TLK1: variants seen among roughly 807,000 people sequenced by gnomAD.
TLK1 encodes the protein serine/threonine-protein kinase tousled-like 1.
TLK1 carries 24 observed loss-of-function variants against 105.3 expected under a neutral mutation model. The ratio of observed to expected loss-of-function variants is 0.23; its 90% CI spans 0.17 to 0.32. The LOEUF is 0.32. Ranked by LOEUF, TLK1 falls within the 10% of genes least tolerant of loss-of-function variation. The probability of loss-of-function intolerance (pLI) is 1.00; values close to 1 mark genes in which losing one functional copy is unlikely to be tolerated. For missense variants in TLK1, 558 were observed against 910.5 expected (o/e 0.61, Z 4.98); for synonymous variants, 321 against 310.4 (o/e 1.03, Z -0.36).
intron 3 of TLK1, among the ~76,000 whole-genome samples, chr2:171,072,558 G>C (rs770947882): frequency 6.6e-6 from 1 of 152,124 alleles, no homozygotes; most frequent in East Asian, 1.9e-4. Context: ...AAGAGTTTGA[G>C]GCCAGCCTGG....
chr2:171,007,084 CA>C (rs755375296), intron 14 of TLK1, 21 bp from the exon 15 acceptor site: 6 of 1,571,518 alleles, frequency 3.8e-6, no homozygotes, highest in Middle Eastern at 2.3e-4. Flanking sequence ...AAGTCAAAAA[CA>C]ATTAAGATGA....
chr2:171,167,698 A>G (rs939578760), intron 1 of TLK1, among the ~76,000 whole-genome samples: 1 of 152,212 alleles, frequency 6.6e-6, no homozygotes, highest in Admixed American at 6.5e-5. Flanking sequence ...CATACACAAC[A>G]AAAACTGGAA....
chr2:171,037,917 G>C (rs954313537), intron 11 of TLK1, among the ~76,000 whole-genome samples: 7 of 152,132 alleles, frequency 4.6e-5, no homozygotes, highest in African/African-American at 1.7e-4. Context: ...AAAAAAGTTT[G>C]TAAAAGACTG....
chr2:171,156,595 C>T (rs928413081), intron 1 of TLK1, among the ~76,000 whole-genome samples: 5 of 152,178 alleles, frequency 3.3e-5, no homozygotes, highest in African/African-American at 1.2e-4. Flanking sequence ...TGTAAATGTG[C>T]CATTGTAAAG....
intron 3 of TLK1, among the ~76,000 whole-genome samples, chr2:171,062,605 T>C (rs997559100): frequency 6.6e-6 from 1 of 152,170 alleles, no homozygotes; most frequent in Non-Finnish European, 1.5e-5. Flanking sequence ...CATACAGTTA[T>C]TACTTGATAA....
chr2:171,145,523 G>T (rs1431618879), intron 1 of TLK1, among the ~76,000 whole-genome samples: 1 of 151,706 alleles, frequency 6.6e-6, no homozygotes, highest in East Asian at 1.9e-4. Context: ...CCGGGAAGCG[G>T]AGGCTGCAGT....
chr2:171,093,007 A>T (rs1181101180), intron 2 of TLK1, among the ~76,000 whole-genome samples: 1 of 152,174 alleles, frequency 6.6e-6, no homozygotes, highest in Non-Finnish European at 1.5e-5. Context: ...ACTCCATGTA[A>T]ACTCTAAATG....
chr2:171,006,409 C>T (rs1167306484), intron 17 of TLK1, 65 bp downstream of exon 17: 3 of 1,499,206 alleles, frequency 2.0e-6, no homozygotes, highest in Non-Finnish European at 1.8e-6. Context: ...TTTCAGATAA[C>T]TTAATGAATG....
At chr2:171,015,200 A>G (rs1685114897) in intron 12 of TLK1, among the ~76,000 whole-genome samples, 1 of 152,176 alleles carries the variant, frequency 6.6e-6, no homozygotes, top group African/African-American at 2.4e-5. Context: ...ATTCTGTACT[A>G]CAAGAAATCT....
chr2:171,093,143 T>C (rs549798882), intron 2 of TLK1, among the ~76,000 whole-genome samples: 1 of 152,332 alleles, frequency 6.6e-6, no homozygotes, highest in South Asian at 2.1e-4. Flanking sequence ...AATAAAAGGA[T>C]TTCATTCCCC....
chr2:171,068,811 CAT>C (rs1389917735), intron 3 of TLK1, among the ~76,000 whole-genome samples: 1 of 152,096 alleles, frequency 6.6e-6, no homozygotes, highest in African/African-American at 2.4e-5. Context: ...AAAATTATTA[CAT>C]ATAGCAGAAA....
chr2:171,079,014 T>C (rs1485887890), intron 3 of TLK1, among the ~76,000 whole-genome samples: 46 of 152,200 alleles, frequency 3.0e-4, no homozygotes, highest in Non-Finnish European at 2.9e-5. Context: ...CCTTTCACCA[T>C]TCCTGCATAT....
Position 170,993,266 on chromosome 2 carries a change from C to A in TLK1, c.*514G>T, listed in dbSNP as rs1294634101. On this transcript the variant is annotated 3_prime_UTR_variant, in exon 21 of 21. Coordinates refer to ENST00000431350, the MANE Select transcript of TLK1 (RefSeq NM_012290.5). ...CACATTCTATTACTATAAAACACAA[C>A]TGTCACTGTCATTCAGTTCTTACTT... 6.6e-6 allele frequency: 1 copy of A among 152,640 alleles called. No homozygotes were observed. Among genetic ancestry groups the A allele is most frequent in the Admixed American group, 6.5e-5 (1 of 15,274 alleles). 9.5% of individuals were successfully genotyped at this position (152,640 alleles called of 1,614,324 possible).
chr2:171,069,110 A>C (rs1312606631), intron 3 of TLK1, among the ~76,000 whole-genome samples: 1 of 152,208 alleles, frequency 6.6e-6, no homozygotes, highest in African/African-American at 2.4e-5. Context: ...AATTACTGTA[A>C]GTTATCTGAA....
intron 1 of TLK1, among the ~76,000 whole-genome samples, chr2:171,225,782 TA>T (rs1693886491): frequency 6.6e-6 from 1 of 152,218 alleles, no homozygotes; most frequent in African/African-American, 2.4e-5. Context: ...TTCAGTTCCT[TA>T]ATGTGTCTTT....
chr2:171,000,376 CAAAAAAAA>C (rs34800888), intron 18 of TLK1, among the ~76,000 whole-genome samples: 11 of 78,348 alleles, frequency 1.4e-4, no homozygotes, highest in East Asian at 1.2e-3. Flanking sequence ...GAAACTCTGT[CAAAAAAAA>C]AAAAAAAAAA....
At chr2:171,083,491 CTATGATACTTAT>C (rs1219812706) in intron 2 of TLK1, among the ~76,000 whole-genome samples, 2 of 152,128 alleles carry the variant, frequency 1.3e-5, no homozygotes, top group Admixed American at 1.3e-4. Flanking sequence ...CAATACGCTT[CTATGATACTTAT>C]TATCTTGTGC....
chr2:171,059,935 C>A, intron 4 of TLK1: 3 of 1,526,062 alleles, frequency 2.0e-6, no homozygotes, highest in Non-Finnish European at 2.7e-6. Context: ...TCCTGCTGTA[C>A]GACCCATTTC....
At position 171,050,159 on chromosome 2, in the gene TLK1, T is replaced by C; in HGVS notation, c.748A>G (p.Arg250Gly). ...TTTTGTTGTTCATCTATTTGCCGTC[T>C]GAGATCACAGTTAGCCTATGACATA... is the stretch of plus-strand genomic sequence containing the variant. ...DDLLRANCDLRRQIDEQQKLL... is the reference protein window; with the variant it reads ...DDLLRANCDLGRQIDEQQKLL... The change falls in exon 9 of 21, where the codon AGA (arginine) becomes GGA (glycine). Residue 250 changes from arginine to glycine, a missense_variant. By Grantham distance (125) the Arg-to-Gly change is moderately radical. This residue lies in a region of TLK1 where 196 missense variants were observed against 239.3 expected (regional missense o/e 0.82). Coordinates refer to ENST00000431350, the MANE Select transcript of TLK1 (RefSeq NM_012290.5). 1.3e-6 allele frequency: 2 copies of C among 1,596,694 alleles called. No homozygotes were observed. Among genetic ancestry groups the C allele is most frequent in the Non-Finnish European group, 1.7e-6 (2 of 1,169,248 alleles).
Sources: allele counts gnomAD v4.1 joint callset (sites outside exome capture counted in the v4.1 genomes callset), GRCh38; gene constraint gnomAD v4.1.1; regional missense constraint gnomAD v4.1.1; transcripts MANE v1.5; gene names NCBI Gene and HGNC (gene_info 2026-07-23, HGNC 2026-07-21).